The following TMTC1 variants were observed in gnomAD, a reference collection of about 807,000 sequenced individuals.
TMTC1 encodes transmembrane O-mannosyltransferase targeting cadherins 1.
Under a neutral mutation model 104.8 loss-of-function variants are expected in TMTC1, and 73 were observed. That is an observed-to-expected ratio of 0.70 (90% CI 0.58 to 0.85). The LOEUF is 0.85. Ranked by LOEUF, TMTC1 falls within the 40% of genes least tolerant of loss-of-function variation. The pLI is 0.00. For missense variants in TMTC1, 1,035 were observed against 1,096.1 expected (o/e 0.94, Z 0.79); for synonymous variants, 434 against 428.7 (o/e 1.01, Z -0.15).
At chr12:29,740,411 G>C (rs745438665) in intron 5 of TMTC1, among the ~76,000 whole-genome samples, 9 of 152,050 alleles carry the variant, frequency 5.9e-5, no homozygotes, top group Non-Finnish European at 1.3e-4. Context: ...GCATGAAAAA[G>C]AGAGACAAGC....
chr12:29,567,033 C>T (rs1025726615), intron 9 of TMTC1, among the ~76,000 whole-genome samples: 21 of 152,166 alleles, frequency 1.4e-4, no homozygotes, highest in African/African-American at 5.1e-4. Context: ...CTGGATGCAG[C>T]GATTGGTTGA....
At chr12:29,698,234 C>A (rs542771402) in intron 5 of TMTC1, among the ~76,000 whole-genome samples, 1 of 152,304 alleles carries the variant, frequency 6.6e-6, no homozygotes, top group South Asian at 2.1e-4. Context: ...TCTCCCACGC[C>A]CATTTATTCC....
intron 5 of TMTC1, among the ~76,000 whole-genome samples, chr12:29,712,913 A>G (rs1941969018): frequency 6.6e-6 from 1 of 152,156 alleles, no homozygotes; most frequent in African/African-American, 2.4e-5. Context: ...TTATGTGCCA[A>G]TTTGTCTAGG....
intron 7 of TMTC1, among the ~76,000 whole-genome samples, chr12:29,597,676 G>A (rs1056483007): frequency 6.6e-6 from 1 of 150,606 alleles, no homozygotes; most frequent in Non-Finnish European, 1.5e-5. Context: ...GAGGAAAAAA[G>A]CACCCTTTTT....
intron 1 of TMTC1, among the ~76,000 whole-genome samples, chr12:29,772,242 GC>G (rs1943610516): frequency 6.6e-6 from 1 of 152,170 alleles, no homozygotes; most frequent in Non-Finnish European, 1.5e-5. Flanking sequence ...CTACACGGCT[GC>G]ATGGAAATAT....
At chr12:29,509,954 T>C (rs867736793) in intron 17 of TMTC1, among the ~76,000 whole-genome samples, 1 of 152,210 alleles carries the variant, frequency 6.6e-6, no homozygotes, top group South Asian at 2.1e-4. Flanking sequence ...AGTATATTTG[T>C]TGTACTTTTT....
At chr12:29,522,670 A>C (rs1944211697) in intron 11 of TMTC1, among the ~76,000 whole-genome samples, 1 of 152,092 alleles carries the variant, frequency 6.6e-6, no homozygotes, top group Non-Finnish European at 1.5e-5. Context: ...ATATTCATGT[A>C]TCCATTCATT....
At chr12:29,765,811 G>T (rs550286151) in intron 2 of TMTC1, among the ~76,000 whole-genome samples, 2 of 152,216 alleles carry the variant, frequency 1.3e-5, no homozygotes, top group South Asian at 4.1e-4. Flanking sequence ...TTCATAGGAT[G>T]TTCACATAAA....
chr12:29,755,498 G>C lies in TMTC1; in HGVS notation c.731+211C>G, dbSNP rs563340205. On this transcript the variant is annotated intron_variant, in intron 4 of 17. Coordinates refer to ENST00000539277, the MANE Select transcript of TMTC1 (RefSeq NM_001193451.2). ...ATCTGGGGCTCACAAAAACTTCATA[G>C]TCCTCACTGATTTATACAAAAGTGT... is the stretch of plus-strand genomic sequence containing the variant. Among the ~76,000 whole-genome samples, 4 of 152,284 alleles carry C rather than the reference G, an allele frequency of 2.6e-5. No individual in the cohort carries two copies. In the South Asian group the frequency reaches 8.3e-4, roughly 32 times the overall value.
chr12:29,710,895 T>G (rs1337403421), intron 5 of TMTC1, among the ~76,000 whole-genome samples: 2 of 90,420 alleles, frequency 2.2e-5, no homozygotes, highest in East Asian at 2.9e-4. Flanking sequence ...TATTAATATA[T>G]AAATATATTA....
rs573842323 is a variant in TMTC1 at position 29,685,055 on chromosome 12, T to A, written c.939-51719A>T. 1.1e-4 allele frequency among the ~76,000 whole-genome samples: 16 copies of A among 152,280 alleles called. No homozygotes were observed. The East Asian group carries it at 3.1e-3, about 29-fold the overall frequency. The stretch of plus-strand genomic sequence containing the variant: ...ATTAATTGGGCATAGGATGATAAGA[T>A]CCTATCTTTCCAATACACATTTTTA... On this transcript the variant is annotated intron_variant, in intron 5 of 17. Transcript: ENST00000539277.
At chr12:29,514,028 A>C (rs1943912841) in intron 16 of TMTC1, among the ~76,000 whole-genome samples, 2 of 152,102 alleles carry the variant, frequency 1.3e-5, no homozygotes, top group Non-Finnish European at 2.9e-5. Flanking sequence ...GGGAATAAGG[A>C]CGGTTAGGGA....
intron 10 of TMTC1, among the ~76,000 whole-genome samples, chr12:29,555,426 C>T (rs866036778): frequency 6.6e-6 from 1 of 151,916 alleles, no homozygotes; most frequent in African/African-American, 2.4e-5. Flanking sequence ...CTGCACCCAT[C>T]AACCCGTCAT....
chr12:29,651,341 G>C (rs1031366494), intron 5 of TMTC1, among the ~76,000 whole-genome samples: 4 of 152,084 alleles, frequency 2.6e-5, no homozygotes, highest in Non-Finnish European at 5.9e-5. Context: ...GGTGGGTCAG[G>C]GAAAACAAGA....
rs1943646086 is a variant in TMTC1, at chr12:29,503,935, T to G, written c.*2911A>C. On this transcript the variant is annotated 3_prime_UTR_variant, in exon 18 of 18. Transcript: ENST00000539277. ...CCTGTCTCTACAAAAAATACAAAAA[T>G]TAGCTGGACATGCTGGCATATGCCT... is the stretch of plus-strand genomic sequence containing the variant. The G allele has an allele frequency of 1.3e-5, 2 of 151,994 alleles. No homozygotes were observed. Among genetic ancestry groups the G allele is most frequent in the South Asian group, 4.2e-4 (2 of 4,784 alleles). The allele number at this position is 151,994 out of a possible 1,614,324, so 9.4% of individuals were successfully genotyped here. A position where few individuals can be genotyped will look rare whatever the true frequency, so the allele number is the denominator to read the frequency against.
chr12:29,738,647 G>GA (rs1229775276), intron 5 of TMTC1, among the ~76,000 whole-genome samples: 1 of 151,956 alleles, frequency 6.6e-6, no homozygotes, highest in East Asian at 1.9e-4. Flanking sequence ...ACACACATAA[G>GA]AAAAAAATGA....
At chr12:29,701,733 T>A (rs1329621184) in intron 5 of TMTC1, among the ~76,000 whole-genome samples, 1 of 152,232 alleles carries the variant, frequency 6.6e-6, no homozygotes, top group East Asian at 1.9e-4. Flanking sequence ...GCAATGCCAG[T>A]AGTCAATGTG....
At chr12:29,677,343 C>T (rs550529750) in intron 5 of TMTC1, among the ~76,000 whole-genome samples, 41 of 152,284 alleles carry the variant, frequency 2.7e-4, no homozygotes, top group African/African-American at 9.1e-4. Context: ...GGCCTACTCA[C>T]TAATAAGCAC....
At chr12:29,784,535 G>C (rs1379445983), upstream of TMTC1, 3 of 152,270 alleles carry the variant, frequency 2.0e-5, no homozygotes, top group Non-Finnish European at 4.4e-5. Context: ...GCCAGGAGAA[G>C]GGGTCTCCCT....
Sources: gnomAD v4.1 joint callset for allele counts (sites outside exome capture counted in the v4.1 genomes callset) on GRCh38, gnomAD v4.1.1 for gene constraint, MANE v1.5 for transcripts, NCBI Gene and HGNC (gene_info 2026-07-23, HGNC 2026-07-21) for gene names.